Variants in MAF observed in about 807,000 individuals in gnomAD.
MAF encodes the protein transcription factor Maf.
In MAF, 10 loss-of-function variants were observed where a neutral mutation model predicts 22.0. The observed-to-expected ratio is 0.45, with a 90% confidence interval of 0.28 to 0.77. The LOEUF (loss-of-function observed/expected upper bound fraction) is 0.77, where lower values mean the gene tolerates loss of function less well. MAF is among the 30% of genes least tolerant of loss of function. The pLI, the probability that MAF is intolerant of heterozygous loss-of-function variation, is 0.12. For missense variants in MAF, 544 were observed against 548.4 expected (o/e 0.99, Z 0.08); for synonymous variants, 337 against 255.8 (o/e 1.32, Z -3.03).
the MAF span, among the ~76,000 whole-genome samples, chr16:79,285,119 G>A: frequency 2.6e-5 from 4 of 152,186 alleles, no homozygotes; most frequent in East Asian, 3.9e-4. Flanking sequence ...TTCTTTAAGA[G>A]TTCCTGACCC....
chr16:79,216,362 T>C, the MAF span, among the ~76,000 whole-genome samples: 1 of 152,216 alleles, frequency 6.6e-6, no homozygotes, highest in South Asian at 2.1e-4. Context: ...TATATATGTG[T>C]ATATTCACAT....
chr16:79,507,775 T>G, the MAF span, among the ~76,000 whole-genome samples: 1 of 152,240 alleles, frequency 6.6e-6, no homozygotes, highest in Admixed American at 6.5e-5. Context: ...GTAAATGAAC[T>G]GATAAGCATG....
the MAF span, among the ~76,000 whole-genome samples, chr16:79,403,652 G>A: frequency 6.6e-6 from 1 of 152,204 alleles, no homozygotes; most frequent in African/African-American, 2.4e-5. Context: ...CACCTCTGGA[G>A]TCTAGCAAGG....
Position 79,595,985 on chromosome 16 carries a change from C to T in MAF, c.1119-1432G>A, listed in dbSNP as rs570931515. 21 of 1,060,718 alleles carry T rather than the reference C, an allele frequency of 2.0e-5. No individual in the cohort carries two copies. In the South Asian group the frequency reaches 8.7e-4, roughly 44 times the overall value. 65.7% of individuals were successfully genotyped at this position (1,060,718 alleles called of 1,614,324 possible). A position where few individuals can be genotyped will look rare whatever the true frequency, so the allele number is the denominator to read the frequency against. ...CATGTTTATGTTAAATCTTGTCAGG[C>T]CTTGCTAACAAGAAAATCTCGGTGT... On this transcript the variant is annotated intron_variant, in intron 1 of 1. Transcript: ENST00000326043.
At chr16:79,531,715 G>A in the MAF span, among the ~76,000 whole-genome samples, 502 of 152,274 alleles carry the variant, frequency 3.3e-3, 5 homozygotes, top group African/African-American at 0.011. Flanking sequence ...AGGCAGTCAT[G>A]TGAATGATGG....
At chr16:79,348,364 G>A in the MAF span, among the ~76,000 whole-genome samples, 3 of 152,214 alleles carry the variant, frequency 2.0e-5, no homozygotes, top group Admixed American at 2.0e-4. Flanking sequence ...GACAGAATAA[G>A]AATATGATCG....
At chr16:79,394,803 C>G in the MAF span, among the ~76,000 whole-genome samples, 1 of 152,072 alleles carries the variant, frequency 6.6e-6, no homozygotes, top group Non-Finnish European at 1.5e-5. Flanking sequence ...TTTTAAAGCT[C>G]TAGGGTGATT....
At chr16:79,415,627 T>C in the MAF span, among the ~76,000 whole-genome samples, 1 of 151,966 alleles carries the variant, frequency 6.6e-6, no homozygotes, top group East Asian at 1.9e-4. Context: ...GCAGCTTGCA[T>C]CCTATGGTTG....
chr16:79,212,433 A>ATTCT, the MAF span: 9 of 299,510 alleles, frequency 3.0e-5, no homozygotes, highest in Admixed American at 1.4e-4. Flanking sequence ...TATGCAAAAA[A>ATTCT]TTCTTTAGAG....
chr16:79,458,212 T>G, the MAF span, among the ~76,000 whole-genome samples: 1 of 151,350 alleles, frequency 6.6e-6, no homozygotes, highest in African/African-American at 2.4e-5. Context: ...AAATCACTTC[T>G]CTCCCTAAAG....
chr16:79,480,942 A>G, the MAF span, among the ~76,000 whole-genome samples: 1 of 152,182 alleles, frequency 6.6e-6, no homozygotes, highest in African/African-American at 2.4e-5. Flanking sequence ...CTTGGTGCAC[A>G]TCTCTGCTCT....
chr16:79,382,389 G>A, the MAF span, among the ~76,000 whole-genome samples: 1 of 152,184 alleles, frequency 6.6e-6, no homozygotes, highest in African/African-American at 2.4e-5. Context: ...TTTCTGGAAG[G>A]ATGGAAAAGT....
At chr16:79,423,249 T>C in the MAF span, among the ~76,000 whole-genome samples, 1 of 152,182 alleles carries the variant, frequency 6.6e-6, no homozygotes, top group Non-Finnish European at 1.5e-5. Context: ...CTGTTTTTCA[T>C]TTGCTAAATC....
chr16:79,244,686 T>C, the MAF span, among the ~76,000 whole-genome samples: 25 of 152,104 alleles, frequency 1.6e-4, no homozygotes, highest in Admixed American at 5.2e-4. Context: ...CAAGCTACCA[T>C]TGACTTTCTT....
the MAF span, among the ~76,000 whole-genome samples, chr16:79,568,131 T>C: frequency 1.3e-5 from 2 of 152,212 alleles, no homozygotes; most frequent in African/African-American, 2.4e-5. Flanking sequence ...GGAGTCTGTT[T>C]CTCAATAAAA....
chr16:79,598,659 C>G, intron 1 of MAF, 126 bp downstream of exon 1: 1 of 1,529,556 alleles, frequency 6.5e-7, no homozygotes, highest in Non-Finnish European at 8.7e-7. Context: ...GGGGGCCAAA[C>G]TCGGTGGGGG....
intron 1 of MAF, 55 bp downstream of exon 1, chr16:79,598,730 G>T: frequency 6.2e-7 from 1 of 1,611,068 alleles, no homozygotes; most frequent in Non-Finnish European, 8.5e-7. Context: ...ACCCGAGCCG[G>T]ACCCCCGCGG....
the MAF span, among the ~76,000 whole-genome samples, chr16:79,315,531 C>T: frequency 1.3e-4 from 20 of 152,116 alleles, no homozygotes; most frequent in Admixed American, 4.6e-4. Context: ...TACTAATACA[C>T]GCTGTTAGTA....
At chr16:79,234,425 T>A in the MAF span, among the ~76,000 whole-genome samples, 1 of 152,180 alleles carries the variant, frequency 6.6e-6, no homozygotes, top group Non-Finnish European at 1.5e-5. Flanking sequence ...GAGTGTTCAT[T>A]GTCAATTTAG....
Sources: allele counts gnomAD v4.1 joint callset (sites outside exome capture counted in the v4.1 genomes callset), GRCh38; gene constraint gnomAD v4.1.1; transcripts MANE v1.5; gene names NCBI Gene and HGNC (gene_info 2026-07-23, HGNC 2026-07-21).